The following MYLK variants were observed in gnomAD, a reference collection of about 807,000 sequenced individuals.
MYLK encodes the protein myosin light chain kinase.
Under a neutral mutation model 203.4 loss-of-function variants are expected in MYLK, and 106 were observed. The ratio of observed to expected loss-of-function variants is 0.52; its 90% CI spans 0.45 to 0.61. The LOEUF is 0.61. Ranked by LOEUF, MYLK falls within the 20% of genes least tolerant of loss-of-function variation. The pLI, the probability that MYLK is intolerant of heterozygous loss-of-function variation, is 0.00. For synonymous variants in MYLK, 867 were observed against 959.5 expected, an observed-to-expected ratio of 0.90 and a Z score of 1.78; for missense variants, 2,072 against 2,442.3, an observed-to-expected ratio of 0.85 and a Z score of 3.20.
At chr3:123,664,951 G>A (rs1448464164) in intron 22 of MYLK, among the ~76,000 whole-genome samples, 1 of 152,190 alleles carries the variant, frequency 6.6e-6, no homozygotes, top group Admixed American at 6.5e-5. Flanking sequence ...GTAGATGAGT[G>A]GTTGTCAGGG....
chr3:123,865,508 T>C (rs1326711903), intron 2 of MYLK, among the ~76,000 whole-genome samples: 6 of 152,218 alleles, frequency 3.9e-5, no homozygotes, highest in African/African-American at 1.4e-4. Flanking sequence ...TGTTCGTGCA[T>C]TCATTCACTT....
At chr3:123,738,572 TG>T (rs921510318) in intron 7 of MYLK, among the ~76,000 whole-genome samples, 7 of 152,314 alleles carry the variant, frequency 4.6e-5, no homozygotes, top group Admixed American at 3.9e-4. Flanking sequence ...CCACGTGTTG[TG>T]GGAGGGACCC....
At chr3:123,620,099 A>C in intron 32 of MYLK, 108 bp downstream of exon 32, 3 of 948,398 alleles carry the variant, frequency 3.2e-6, no homozygotes, top group Non-Finnish European at 5.0e-6. Flanking sequence ...CCTTGCAGGG[A>C]ATATTAAAAT....
At chr3:123,685,612 G>GAAAAAAA (rs59215456) in intron 19 of MYLK, among the ~76,000 whole-genome samples, 11 of 112,410 alleles carry the variant, frequency 9.8e-5, no homozygotes, top group East Asian at 2.6e-4. Flanking sequence ...TCCAAAAAAT[G>GAAAAAAA]AAAAAAAAAA....
chr3:123,662,091 T>G (rs1319828176), intron 23 of MYLK, among the ~76,000 whole-genome samples: 1 of 151,940 alleles, frequency 6.6e-6, no homozygotes. Context: ...ATGAGAAAAA[T>G]GGAGGCACAG....
intron 32 of MYLK, 40 bp from the exon 33 acceptor site, chr3:123,618,810 G>A (rs760463442): frequency 9.3e-6 from 15 of 1,612,744 alleles, no homozygotes; most frequent in African/African-American, 8.0e-5. Context: ...TTCTTCACTC[G>A]TTGTTCTCGC....
intron 26 of MYLK, among the ~76,000 whole-genome samples, 159 bp from the exon 27 acceptor site, chr3:123,647,586 C>T (rs1421506251): frequency 6.6e-6 from 1 of 152,148 alleles, no homozygotes; most frequent in Non-Finnish European, 1.5e-5. Context: ...TGCATGTTGT[C>T]TATGGCAGCT....
chr3:123,799,986 C>T (rs755445060), intron 3 of MYLK: 1 of 152,144 alleles, frequency 6.6e-6, no homozygotes, highest in African/African-American at 2.4e-5. Context: ...AGGGCCAGAC[C>T]GAAAAAGTTA....
In MYLK at chr3:123,663,959, ATCT is replaced by A; in HGVS notation, c.3985+143_3985+145del. On this transcript the variant is annotated intron_variant, in intron 23 of 33. Coordinates refer to ENST00000360304, the MANE Select transcript of MYLK (RefSeq NM_053025.4). The stretch of plus-strand genomic sequence containing the variant: ...AGCAGGGAGTCTGTGGGTTGCCGTG[ATCT>A]TCTTTCTGTGGTGCCTTATAAATCA... 9 of 1,235,502 alleles carry A rather than the reference ATCT, an allele frequency of 7.3e-6. No homozygotes were observed. In the South Asian group the frequency reaches 8.5e-5, roughly 12 times the overall value. 76.5% of individuals were successfully genotyped at this position (1,235,502 alleles called of 1,614,324 possible). A position where few individuals can be genotyped will look rare whatever the true frequency, so the allele number is the denominator to read the frequency against.
intron 4 of MYLK, among the ~76,000 whole-genome samples, chr3:123,760,575 A>G (rs895208551): frequency 5.3e-5 from 8 of 152,146 alleles, no homozygotes; most frequent in Non-Finnish European, 8.8e-5. Context: ...CAAAGTCAAC[A>G]ATTTTTTTTT....
At chr3:123,803,248 G>T (rs972575363) in intron 3 of MYLK, among the ~76,000 whole-genome samples, 1 of 152,196 alleles carries the variant, frequency 6.6e-6, no homozygotes, top group African/African-American at 2.4e-5. Flanking sequence ...AGCGACCTCA[G>T]CCTAGTCTCT....
At chr3:123,666,596 G>A (rs556899741) in intron 21 of MYLK, among the ~76,000 whole-genome samples, 1 of 152,266 alleles carries the variant, frequency 6.6e-6, no homozygotes, top group East Asian at 1.9e-4. Flanking sequence ...CTCCATTTAT[G>A]GGTTGTACTG....
intron 2 of MYLK, among the ~76,000 whole-genome samples, chr3:123,855,127 T>G (rs1463619239): frequency 6.7e-6 from 1 of 148,522 alleles, no homozygotes; most frequent in Non-Finnish European, 1.5e-5. Flanking sequence ...TTCTGAGAAC[T>G]CATGTTGTTA....
At chr3:123,778,470 G>A (rs1020331999) in intron 4 of MYLK, among the ~76,000 whole-genome samples, 11 of 146,720 alleles carry the variant, frequency 7.5e-5, no homozygotes, top group South Asian at 4.3e-4. Flanking sequence ...CCAAGATTGC[G>A]CCACTGTACC....
chr3:123,663,033 C>T (rs1184905662), intron 23 of MYLK, among the ~76,000 whole-genome samples: 2 of 152,208 alleles, frequency 1.3e-5, no homozygotes, highest in Non-Finnish European at 2.9e-5. Context: ...CTTTCACATG[C>T]ACAACATATG....
intron 20 of MYLK, among the ~76,000 whole-genome samples, chr3:123,680,287 T>C (rs530377508): frequency 1.3e-5 from 2 of 152,240 alleles, no homozygotes; most frequent in African/African-American, 4.8e-5. Flanking sequence ...AGGGGCTCAC[T>C]GGAGTGGGTG....
chr3:123,721,532 T>C (rs1317146872), intron 13 of MYLK, among the ~76,000 whole-genome samples: 1 of 152,148 alleles, frequency 6.6e-6, no homozygotes, highest in Non-Finnish European at 1.5e-5. Context: ...ATCAGATTAC[T>C]GGAGACCAGG....
At chr3:123,768,567 A>G (rs1305356525) in intron 4 of MYLK, among the ~76,000 whole-genome samples, 1 of 152,220 alleles carries the variant, frequency 6.6e-6, no homozygotes, top group Non-Finnish European at 1.5e-5. Context: ...CTAGTTCTCT[A>G]AATACACCTA....
In MYLK at chr3:123,629,939, T is replaced by C; in HGVS notation, c.4962-313A>G. The C allele has an allele frequency of 2.7e-6, 1 of 368,726 alleles. No individual in the cohort carries two copies. Among genetic ancestry groups the C allele is most frequent in the South Asian group, 2.6e-5 (1 of 37,874 alleles). 22.8% of individuals were successfully genotyped at this position (368,726 alleles called of 1,614,324 possible). On this transcript the variant is annotated intron_variant, in intron 29 of 33. Transcript: ENST00000360304. This position sits in a 1 kb window ranked among gnomAD's most constrained non-coding sequence, Gnocchi z 4.4. ...TAAGTCCCTCTGTCCTGGTTTTCTATTATTCCCCAAAGCCCAGGCTAGAGC... is the reference window on the plus strand; with the variant it reads ...TAAGTCCCTCTGTCCTGGTTTTCTACTATTCCCCAAAGCCCAGGCTAGAGC...
Sources: allele counts gnomAD v4.1 joint callset (sites outside exome capture counted in the v4.1 genomes callset), GRCh38; gene constraint gnomAD v4.1.1; non-coding constraint Gnocchi (gnomAD v3.1); transcripts MANE v1.5; gene names NCBI Gene and HGNC (gene_info 2026-07-23, HGNC 2026-07-21).